TRMT1L: variants seen among roughly 807,000 people sequenced by gnomAD.
The protein encoded by TRMT1L is tRNA methyltransferase 1L.
Under a neutral mutation model 81.6 loss-of-function variants are expected in TRMT1L, and 28 were observed. That is an observed-to-expected ratio of 0.34 (90% CI 0.25 to 0.47). TRMT1L has a LOEUF of 0.47. TRMT1L is among the 20% of genes least tolerant of loss of function. The pLI is 1.00. For synonymous variants in TRMT1L, 301 were observed against 303.2 expected (o/e 0.99, Z 0.07); for missense variants, 739 against 877.1 (o/e 0.84, Z 1.99).
rs1652924600 is a variant in TRMT1L at position 185,137,328 on chromosome 1, T to C, written c.1513+278A>G. 10 of 466,940 alleles carry C rather than the reference T, an allele frequency of 2.1e-5. No homozygotes were observed. The South Asian group carries it at 2.3e-4, about 11-fold the overall frequency. 28.9% of individuals were successfully genotyped at this position (466,940 alleles called of 1,614,324 possible). A position where few individuals can be genotyped will look rare whatever the true frequency, so the allele number is the denominator to read the frequency against. ...CCTGGAAAAAACGTAATCTGACTTA[T>C]GTTCCTAAAATTAGTTGAGAGTGGA... On this transcript the variant is annotated intron_variant, in intron 10 of 14. Coordinates refer to ENST00000367506, the MANE Select transcript of TRMT1L (RefSeq NM_030934.5).
At chr1:185,151,436 T>C (rs1287853433) in intron 2 of TRMT1L, among the ~76,000 whole-genome samples, 3 of 152,148 alleles carry the variant, frequency 2.0e-5, no homozygotes, top group Non-Finnish European at 4.4e-5. Flanking sequence ...AAGAGAGCAG[T>C]GTGGGGCACT....
At chr1:185,146,297 A>T (rs1262467992) in intron 4 of TRMT1L, among the ~76,000 whole-genome samples, 1 of 152,024 alleles carries the variant, frequency 6.6e-6, no homozygotes, top group East Asian at 1.9e-4. Context: ...ACATAATTAG[A>T]AGCGTACTTA....
chr1:185,156,253 C>T (rs939643613), intron 1 of TRMT1L, among the ~76,000 whole-genome samples: 1 of 152,204 alleles, frequency 6.6e-6, no homozygotes, highest in African/African-American at 2.4e-5. Flanking sequence ...AGCATTCCTG[C>T]TCTCCGCATA....
At chr1:185,156,393 A>G in intron 1 of TRMT1L, 85 bp downstream of exon 1, 2 of 1,612,136 alleles carry the variant, frequency 1.2e-6, no homozygotes, top group Non-Finnish European at 1.7e-6. Context: ...CATAAAAACC[A>G]TCCCGGTGAA....
Position 185,145,515 on chromosome 1 carries a change from G to A in TRMT1L, c.579C>T (p.Ile193=). The A allele has an allele frequency of 6.2e-7, 1 of 1,612,030 alleles. No individual in the cohort carries two copies. Among genetic ancestry groups the A allele is most frequent in the South Asian group, 1.1e-5 (1 of 90,974 alleles). The change falls in exon 5 of 15, where the codon ATC becomes ATT. Residue 193 remains isoleucine (I), a synonymous_variant. Coordinates refer to ENST00000367506, the MANE Select transcript of TRMT1L (RefSeq NM_030934.5). ...HYHCIICSAT[I]TRRTDMLGHV... ...GTCCTAGCATATCAGTTCTTCTGGT[G>A]ATTGTTGCTGAACAAATGATACAAT... is the stretch of plus-strand genomic sequence containing the variant.
At position 185,156,508 on chromosome 1, in the gene TRMT1L, G is replaced by C. The variant is rs1174052925; in HGVS notation, c.205C>G (p.Leu69Val). The C allele has an allele frequency of 1.2e-6, 2 of 1,613,748 alleles. No individual in the cohort carries two copies. The highest frequency in any genetic ancestry group is 1.7e-6 in the Non-Finnish European group (2 of 1,179,900). ...LAQAPALSPS[L>V]ASAPEEAKSK... ...TTAGCCTCCTCAGGGGCAGAGGCTA[G>C]GGACGGGGACAGGGCCGGAGCCTGG... The change falls in exon 1 of 15, where the codon CTA (leucine) becomes GTA (valine). Residue 69 changes from leucine (L) to valine (V), a missense_variant. Coordinates refer to ENST00000367506, the MANE Select transcript of TRMT1L (RefSeq NM_030934.5).
intron 4 of TRMT1L, among the ~76,000 whole-genome samples, chr1:185,146,357 A>G (rs1171642811): frequency 6.6e-6 from 1 of 152,044 alleles, no homozygotes; most frequent in Non-Finnish European, 1.5e-5. Flanking sequence ...GCTGAGAACA[A>G]AAGACTGCTC....
Position 185,156,741 on chromosome 1 carries a change from G to A in TRMT1L, c.-29C>T, listed in dbSNP as rs573690490. On this transcript the variant is annotated 5_prime_UTR_variant, in exon 1 of 15. Coordinates refer to ENST00000367506, the MANE Select transcript of TRMT1L (RefSeq NM_030934.5). ...TACCGCCTCCGTGCCAAGCCCGCCC[G>A]GGGACCCGGAGCGGGGCTCACGGCG... 3.7e-6 allele frequency: 6 copies of A among 1,611,164 alleles called. No homozygotes were observed. Among genetic ancestry groups the A allele is most frequent in the East Asian group, 2.2e-5 (1 of 44,720 alleles).
At chr1:185,147,268 T>G in intron 3 of TRMT1L, 22 bp from the exon 4 acceptor site, 1 of 1,560,026 alleles carries the variant, frequency 6.4e-7, no homozygotes, top group Non-Finnish European at 8.8e-7. Context: ...AATGGCTGGT[T>G]ATCATACATT....
At chr1:185,156,261 A>G (rs1653552504) in intron 1 of TRMT1L, among the ~76,000 whole-genome samples, 1 of 152,272 alleles carries the variant, frequency 6.6e-6, no homozygotes, top group East Asian at 1.9e-4. Context: ...TGCTCTCCGC[A>G]TATCCCTCAC....
intron 10 of TRMT1L, among the ~76,000 whole-genome samples, chr1:185,135,194 T>C (rs1370536567): frequency 6.6e-6 from 1 of 152,064 alleles, no homozygotes; most frequent in Non-Finnish European, 1.5e-5. Flanking sequence ...GGCGGGCGGA[T>C]TGCCTGAGCT....
chr1:185,143,886 C>T lies in TRMT1L; in HGVS notation c.779+20G>A. The T allele has an allele frequency of 1.9e-6, 3 of 1,593,990 alleles. No homozygotes were observed. The highest frequency in any genetic ancestry group is 1.1e-5 in the South Asian group (1 of 88,504). On this transcript the variant is annotated intron_variant, in intron 6 of 14. Transcript: ENST00000367506. ...TAATAATTTGAAACATCCCATAACC[C>T]TATTTTCAATTTATCTTACCGATTT...
At chr1:185,124,376 A>G (rs1652570697) in intron 12 of TRMT1L, among the ~76,000 whole-genome samples, 1 of 151,874 alleles carries the variant, frequency 6.6e-6, no homozygotes, top group African/African-American at 2.4e-5. Context: ...AGTAAAATTA[A>G]AAACACACAA....
rs117192343 is a variant in TRMT1L, at chr1:185,148,844, T to C, written c.460+1535A>G. On this transcript the variant is annotated intron_variant, in intron 3 of 14. Coordinates refer to ENST00000367506, the MANE Select transcript of TRMT1L (RefSeq NM_030934.5). Reference sequence around the variant, plus strand: ...CCTTTCCCTAAATAACTAATGATAATCTTTTTAGTAGTACTACTAAGAAAA... The same window carrying C: ...CCTTTCCCTAAATAACTAATGATAACCTTTTTAGTAGTACTACTAAGAAAA... 5.5e-3 allele frequency among the ~76,000 whole-genome samples: 841 copies of C among 152,296 alleles called. 33 individuals are homozygous for C. The East Asian group carries it at 0.086, about 16-fold the overall frequency.
At chr1:185,149,662 C>A (rs79431572) in intron 3 of TRMT1L, among the ~76,000 whole-genome samples, 1 of 151,680 alleles carries the variant, frequency 6.6e-6, no homozygotes, top group Non-Finnish European at 1.5e-5. Flanking sequence ...GATGGATATG[C>A]GTATTTTTAA....
intron 10 of TRMT1L, among the ~76,000 whole-genome samples, chr1:185,131,816 A>T (rs780681003): frequency 6.6e-6 from 1 of 152,228 alleles, no homozygotes; most frequent in Non-Finnish European, 1.5e-5. Context: ...CAACAGATAT[A>T]ATTTGAAAGG....
intron 10 of TRMT1L, among the ~76,000 whole-genome samples, chr1:185,134,873 C>CA (rs1009108456): frequency 6.6e-6 from 1 of 151,982 alleles, no homozygotes; most frequent in Non-Finnish European, 1.5e-5. Context: ...GAAATTATGG[C>CA]AAAAAGACTG....
intron 13 of TRMT1L, among the ~76,000 whole-genome samples, chr1:185,122,430 T>A (rs1019883865): frequency 9.3e-5 from 14 of 150,434 alleles, no homozygotes; most frequent in African/African-American, 3.4e-4. Flanking sequence ...TAAAAACAAA[T>A]TTTTTTTTTG....
At chr1:185,152,745 A>G (rs1653396351) in intron 1 of TRMT1L, among the ~76,000 whole-genome samples, 1 of 152,250 alleles carries the variant, frequency 6.6e-6, no homozygotes, top group Non-Finnish European at 1.5e-5. Context: ...TTTTGAGTTT[A>G]TGTGGTTGAG....
Sources: allele counts gnomAD v4.1 joint callset (sites outside exome capture counted in the v4.1 genomes callset), GRCh38; gene constraint gnomAD v4.1.1; transcripts MANE v1.5; gene names NCBI Gene and HGNC (gene_info 2026-07-23, HGNC 2026-07-21).